PCDHGA2: variants seen among roughly 807,000 people sequenced by gnomAD.
PCDHGA2 encodes protocadherin gamma-A2.
Under a neutral mutation model 59.2 loss-of-function variants are expected in PCDHGA2, and 40 were observed. That is an observed-to-expected ratio of 0.68 (90% CI 0.52 to 0.88). The LOEUF (loss-of-function observed/expected upper bound fraction) is 0.88. PCDHGA2 is among the 40% of genes least tolerant of loss of function. PCDHGA2 has a pLI of 0.00. For synonymous variants in PCDHGA2, 560 were observed against 526.0 expected, an observed-to-expected ratio of 1.06 and a Z score of -0.89; for missense variants, 1,226 against 1,204.0, an observed-to-expected ratio of 1.02 and a Z score of -0.27.
intron 1 of PCDHGA2, chr5:141,357,355 T>C: frequency 1.2e-6 from 2 of 1,614,154 alleles, no homozygotes; most frequent in Non-Finnish European, 1.7e-6. Context: ...GCTGAGACGC[T>C]GGCACAAGTC....
At chr5:141,428,185 G>A (rs775261215) in intron 1 of PCDHGA2, 1 of 1,446,348 alleles carries the variant, frequency 6.9e-7, no homozygotes, top group Admixed American at 1.8e-5. Context: ...GAGGACAGCC[G>A]CCGCTCTCTG....
At position 141,384,883 on chromosome 5, in the gene PCDHGA2, G is replaced by A. The variant is rs774353364; in HGVS notation, c.2424+43488G>A. ...TCTGTCAGCCACCGTCACACTCACCGTGGCTGTGGCTGACAGCATCCCCGA... is the reference window on the plus strand; with the variant it reads ...TCTGTCAGCCACCGTCACACTCACCATGGCTGTGGCTGACAGCATCCCCGA... On this transcript the variant is annotated intron_variant, in intron 1 of 3. Coordinates refer to ENST00000394576, the MANE Select transcript of PCDHGA2 (RefSeq NM_018915.4). 62 of 1,613,804 alleles carry A rather than the reference G, an allele frequency of 3.8e-5. 1 individual carries two copies. In the East Asian group the frequency reaches 1.3e-3, roughly 35 times the overall value.
chr5:141,494,546 G>T (rs984336435), intron 1 of PCDHGA2, among the ~76,000 whole-genome samples: 1 of 152,152 alleles, frequency 6.6e-6, no homozygotes, highest in African/African-American at 2.4e-5. Context: ...GGAGGAAGGG[G>T]CCATTTCTTT....
rs748462670 is a variant in PCDHGA2, at chr5:141,478,010, C to T, written c.2425-16797C>T. Reference sequence around the variant, plus strand: ...GCACACTGGTCAAATCAGTACTGCCCGTCCAGTCCAAGACACAGATTCACC... The same window carrying T: ...GCACACTGGTCAAATCAGTACTGCCTGTCCAGTCCAAGACACAGATTCACC... On this transcript the variant is annotated intron_variant, in intron 1 of 3. Coordinates refer to ENST00000394576, the MANE Select transcript of PCDHGA2 (RefSeq NM_018915.4). 9 of 1,614,008 alleles carry T rather than the reference C, an allele frequency of 5.6e-6. No homozygotes were observed. The highest frequency in any genetic ancestry group is 1.7e-5 in the Admixed American group (1 of 59,998).
At chr5:141,428,320 T>G in intron 1 of PCDHGA2, 2 of 650,176 alleles carry the variant, frequency 3.1e-6, no homozygotes, top group Non-Finnish European at 5.5e-6. Context: ...GGCCTTGGCC[T>G]TGATTTCTAT....
chr5:141,399,658 T>G (rs766038311), intron 1 of PCDHGA2: 22 of 1,613,572 alleles, frequency 1.4e-5, no homozygotes, highest in South Asian at 4.4e-5. Flanking sequence ...TGGGGTGGTG[T>G]TCGCGCAGCG....
chr5:141,428,227 A>T (rs2154552643), intron 1 of PCDHGA2: 1 of 1,100,784 alleles, frequency 9.1e-7, no homozygotes, highest in Admixed American at 1.9e-5. Context: ...CTTCGCAGAC[A>T]GCCTGCAGGA....
intron 1 of PCDHGA2, chr5:141,360,995 A>G: frequency 6.2e-7 from 1 of 1,613,650 alleles, no homozygotes; most frequent in Non-Finnish European, 8.5e-7. Context: ...GTGGACGAAC[A>G]AGTGAAACAC....
At chr5:141,342,014 T>A (rs1270047430) in intron 1 of PCDHGA2, 1 of 154,248 alleles carries the variant, frequency 6.5e-6, no homozygotes, top group East Asian at 1.9e-4. Flanking sequence ...GTTTTAAAAA[T>A]CACATTAACC....
intron 1 of PCDHGA2, among the ~76,000 whole-genome samples, chr5:141,451,302 G>T (rs1445994098): frequency 6.6e-6 from 1 of 152,208 alleles, no homozygotes; most frequent in Non-Finnish European, 1.5e-5. Context: ...GTCTTACAAG[G>T]CAGCAATTAA....
chr5:141,364,317 G>A (rs1467973358), intron 1 of PCDHGA2: 2 of 1,524,768 alleles, frequency 1.3e-6, no homozygotes, highest in Non-Finnish European at 8.8e-7. Context: ...AGAAAATTGG[G>A]CAGAGAGAAG....
chr5:141,368,326 T>A (rs1444418576), intron 1 of PCDHGA2, among the ~76,000 whole-genome samples: 3 of 152,122 alleles, frequency 2.0e-5, no homozygotes, highest in Non-Finnish European at 2.9e-5. Context: ...TTCAAGTATA[T>A]CTATATCTAT....
intron 1 of PCDHGA2, among the ~76,000 whole-genome samples, chr5:141,438,615 TATATATATATATATATATATACACACAC>T (rs2098021754): frequency 1.1e-4 from 4 of 35,920 alleles, no homozygotes; most frequent in Non-Finnish European, 1.8e-4. Flanking sequence ...TATATATATA[TATATATATATATATATATATACACACAC>T]ACACACACAT....
intron 1 of PCDHGA2, chr5:141,365,288 G>T (rs1293975471): frequency 1.2e-6 from 2 of 1,613,842 alleles, no homozygotes; most frequent in African/African-American, 2.7e-5. Context: ...CATGGAAGTG[G>T]TAGCTCAGGA....
intron 1 of PCDHGA2, chr5:141,394,313 C>T (rs2092972755): frequency 1.2e-6 from 2 of 1,614,022 alleles, no homozygotes; most frequent in East Asian, 2.2e-5. Flanking sequence ...AGGGGGCGCC[C>T]CTGTCCTCGT....
chr5:141,408,096 C>T, intron 1 of PCDHGA2: 5 of 1,434,864 alleles, frequency 3.5e-6, no homozygotes, highest in Non-Finnish European at 4.6e-6. Flanking sequence ...ATTGCCAGCT[C>T]CGAGACCCGG....
rs749817501 is a variant in PCDHGA2 at position 141,423,756 on chromosome 5, G to GT, written c.2425-71051_2425-71050insT. ...GCCTGTTATGAAAACTGTTTGGGGGGGGGGTGGGGCGGCATATATTTAGTT... is the reference window on the plus strand; with the variant it reads ...GCCTGTTATGAAAACTGTTTGGGGGGTGGGGTGGGGCGGCATATATTTAGTT... On this transcript the variant is annotated intron_variant, in intron 1 of 3. Transcript: ENST00000394576. 9 of 448,538 alleles carry GT rather than the reference G, an allele frequency of 2.0e-5. 1 individual carries two copies. Among genetic ancestry groups the GT allele is most frequent in the African/African-American group, 2.8e-5 (1 of 35,670 alleles). 27.8% of individuals were successfully genotyped at this position (448,538 alleles called of 1,614,324 possible).
chr5:141,478,145 T>C (rs1252008984), intron 1 of PCDHGA2: 1 of 1,614,026 alleles, frequency 6.2e-7, no homozygotes. Context: ...CCGAGCCGAG[T>C]TCCCCTCTGG....
At position 141,490,516 on chromosome 5, in the gene PCDHGA2, G is replaced by T. The variant is rs768123119; in HGVS notation, c.2425-4291G>T. The T allele has an allele frequency of 6.2e-7, 1 of 1,613,828 alleles. No individual in the cohort carries two copies. The highest frequency in any genetic ancestry group is 2.2e-5 in the East Asian group (1 of 44,864). On this transcript the variant is annotated intron_variant, in intron 1 of 3. Transcript: ENST00000394576. This position sits in a 1 kb window ranked among gnomAD's most constrained non-coding sequence, Gnocchi z 5.4. ...ATCCCACTATATCATCGAGCTGCTG[G>T]CCAGCGATGCTGGTTCACCTTCCCT... is the stretch of plus-strand genomic sequence containing the variant.
Sources: allele counts gnomAD v4.1 joint callset (sites outside exome capture counted in the v4.1 genomes callset), GRCh38; gene constraint gnomAD v4.1.1; non-coding constraint Gnocchi (gnomAD v3.1); transcripts MANE v1.5; gene names NCBI Gene and HGNC (gene_info 2026-07-23, HGNC 2026-07-21).